FRS2: variants seen among roughly 807,000 people sequenced by gnomAD.
The protein encoded by FRS2 is FGFR signalling adaptor.
A neutral mutation model predicts 43.9 loss-of-function variants in FRS2; 8 were observed. The observed-to-expected ratio is 0.18, with a 90% confidence interval of 0.11 to 0.33. The LOEUF (loss-of-function observed/expected upper bound fraction) is 0.33. Among genes scored for constraint, FRS2 ranks in the 10% least tolerant of loss-of-function variants. FRS2 has a pLI of 1.00. For missense variants in FRS2, 534 were observed against 627.6 expected, an observed-to-expected ratio of 0.85 and a Z score of 1.59; for synonymous variants, 219 against 220.3, an observed-to-expected ratio of 0.99 and a Z score of 0.05.
chr12:69,485,134 C>CACACATAT (rs1194988609), intron 1 of FRS2, among the ~76,000 whole-genome samples: 3 of 134,272 alleles, frequency 2.2e-5, no homozygotes, highest in South Asian at 2.6e-4. Flanking sequence ...CACACACACA[C>CACACATAT]ACTCTCACCC....
At chr12:69,551,325 C>G (rs1378373629) in intron 3 of FRS2, among the ~76,000 whole-genome samples, 1 of 152,182 alleles carries the variant, frequency 6.6e-6, no homozygotes, top group Non-Finnish European at 1.5e-5. Flanking sequence ...TACACTGCAG[C>G]CTGGGCAATG....
At chr12:69,567,823 T>C (rs1169744546) in intron 4 of FRS2, among the ~76,000 whole-genome samples, 1 of 152,158 alleles carries the variant, frequency 6.6e-6, no homozygotes, top group Non-Finnish European at 1.5e-5. Context: ...GGACTAAGAA[T>C]AGGGCTTGAA....
chr12:69,545,764 A>AG (rs1175648245), intron 3 of FRS2, among the ~76,000 whole-genome samples: 1 of 150,434 alleles, frequency 6.6e-6, no homozygotes, highest in Non-Finnish European at 1.5e-5. Flanking sequence ...TCAAAAAAAA[A>AG]AAAAAAAAAA....
chr12:69,471,878 C>T (rs1243096685), intron 1 of FRS2, among the ~76,000 whole-genome samples: 1 of 152,180 alleles, frequency 6.6e-6, no homozygotes, highest in Non-Finnish European at 1.5e-5. Context: ...ATGTCATTCT[C>T]TTTCCTCCCA....
chr12:69,522,739 A>G (rs1875813290), intron 1 of FRS2, among the ~76,000 whole-genome samples: 2 of 152,198 alleles, frequency 1.3e-5, no homozygotes, highest in African/African-American at 4.8e-5. Flanking sequence ...TTAGTGCTAT[A>G]AATTTCCCTC....
chr12:69,486,392 CTG>C (rs1419665055), intron 1 of FRS2: 2 of 152,218 alleles, frequency 1.3e-5, no homozygotes, highest in Non-Finnish European at 2.9e-5. Context: ...GCACCTCAAA[CTG>C]TGCCCATATA....
chr12:69,517,854 T>A (rs1471101485), intron 1 of FRS2, among the ~76,000 whole-genome samples: 2 of 152,224 alleles, frequency 1.3e-5, no homozygotes, highest in African/African-American at 4.8e-5. Flanking sequence ...TTCATTTTCT[T>A]TACCTGTAAA....
chr12:69,474,176 G>A (rs913990045), intron 1 of FRS2, among the ~76,000 whole-genome samples: 16 of 152,218 alleles, frequency 1.1e-4, no homozygotes, highest in African/African-American at 3.1e-4. Context: ...AGATGTTGAC[G>A]GTGGTACTCT....
At chr12:69,563,113 C>G (rs898714314) in intron 4 of FRS2, among the ~76,000 whole-genome samples, 9 of 152,150 alleles carry the variant, frequency 5.9e-5, no homozygotes, top group Non-Finnish European at 7.4e-5. Flanking sequence ...CAAATGAGAT[C>G]ACATGGTTGT....
intron 1 of FRS2, among the ~76,000 whole-genome samples, chr12:69,528,620 A>G (rs1876493788): frequency 6.6e-6 from 1 of 152,232 alleles, no homozygotes; most frequent in Non-Finnish European, 1.5e-5. Context: ...AATCTTTTAA[A>G]AGGAACAGTG....
chr12:69,552,632 G>A (rs1279730515), intron 3 of FRS2, among the ~76,000 whole-genome samples: 2 of 151,918 alleles, frequency 1.3e-5, no homozygotes, highest in Non-Finnish European at 2.9e-5. Flanking sequence ...GAGTCCACAG[G>A]GATTCAAAAG....
chr12:69,543,236 T>C (rs140752689), intron 3 of FRS2, among the ~76,000 whole-genome samples: 550 of 152,374 alleles, frequency 3.6e-3, no homozygotes, highest in Non-Finnish European at 6.2e-3. Flanking sequence ...AACTATTAAG[T>C]AACATATGTT....
intron 4 of FRS2, among the ~76,000 whole-genome samples, chr12:69,565,397 A>C (rs1880206181): frequency 1.3e-5 from 2 of 152,198 alleles, no homozygotes; most frequent in South Asian, 4.1e-4. Context: ...CTCTTAGGCT[A>C]CGCTGTTTGT....
intron 1 of FRS2, among the ~76,000 whole-genome samples, chr12:69,522,622 T>G (rs1875799619): frequency 6.6e-6 from 1 of 152,202 alleles, no homozygotes; most frequent in Admixed American, 6.5e-5. Context: ...TGGTTGTTTC[T>G]TGTCTTCTGC....
At chr12:69,473,604 A>G (rs1392199511) in intron 1 of FRS2, among the ~76,000 whole-genome samples, 1 of 152,184 alleles carries the variant, frequency 6.6e-6, no homozygotes, top group African/African-American at 2.4e-5. Flanking sequence ...CTGCTTTTAG[A>G]AGTTTGACAT....
At chr12:69,515,181 A>C (rs762069115) in intron 1 of FRS2, among the ~76,000 whole-genome samples, 2 of 152,250 alleles carry the variant, frequency 1.3e-5, no homozygotes, top group Non-Finnish European at 2.9e-5. Context: ...CTACTTAATT[A>C]AACTGACTTT....
intron 5 of FRS2, 49 bp from the exon 6 acceptor site, chr12:69,570,282 C>T (rs770079585): frequency 7.5e-7 from 1 of 1,336,930 alleles, no homozygotes; most frequent in South Asian, 1.2e-5. Flanking sequence ...AATGCATTTT[C>T]CTGACGAATT....
intron 1 of FRS2, among the ~76,000 whole-genome samples, chr12:69,527,175 A>C (rs1876327317): frequency 6.6e-6 from 1 of 151,604 alleles, no homozygotes; most frequent in Admixed American, 6.6e-5. Flanking sequence ...GCTTATTTTT[A>C]CTCAATTCTT....
chr12:69,519,400 A>G (rs2135601368), intron 1 of FRS2, among the ~76,000 whole-genome samples: 1 of 152,174 alleles, frequency 6.6e-6, no homozygotes, highest in African/African-American at 2.4e-5. Context: ...AAGAAAACTC[A>G]CTCTGGAAGT....
Sources: gnomAD v4.1 joint callset for allele counts (sites outside exome capture counted in the v4.1 genomes callset) on GRCh38, gnomAD v4.1.1 for gene constraint, MANE v1.5 for transcripts, NCBI Gene and HGNC (gene_info 2026-07-23, HGNC 2026-07-21) for gene names.